ROCK2: variants seen among roughly 807,000 people sequenced by gnomAD.
ROCK2 encodes rho-associated protein kinase 2.
A neutral mutation model predicts 195.1 loss-of-function variants in ROCK2; 61 were observed. The ratio of observed to expected loss-of-function variants is 0.31; its 90% CI spans 0.25 to 0.39. ROCK2 has a LOEUF of 0.39. Among genes scored for constraint, ROCK2 ranks in the 10% least tolerant of loss-of-function variants. The pLI, the probability that ROCK2 is intolerant of heterozygous loss-of-function variation, is 1.00. For synonymous variants in ROCK2, 504 were observed against 545.5 expected (o/e 0.92, Z 1.06); for missense variants, 1,109 against 1,637.4 (o/e 0.68, Z 5.57).
chr2:11,324,414 A>T (rs995185074), intron 1 of ROCK2, among the ~76,000 whole-genome samples: 1 of 142,408 alleles, frequency 7.0e-6, no homozygotes, highest in Non-Finnish European at 1.5e-5. Flanking sequence ...ACAGAGGGAG[A>T]CTCCGTCTCA....
At chr2:11,295,347 G>C (rs1184589344) in intron 1 of ROCK2, among the ~76,000 whole-genome samples, 1 of 151,912 alleles carries the variant, frequency 6.6e-6, no homozygotes, top group Non-Finnish European at 1.5e-5. Flanking sequence ...TCTGATTGTA[G>C]GCAAGTTAGA....
chr2:11,263,857 A>G (rs181540418), intron 3 of ROCK2, among the ~76,000 whole-genome samples: 5 of 151,968 alleles, frequency 3.3e-5, no homozygotes, highest in African/African-American at 1.2e-4. Flanking sequence ...TACAGCAGAG[A>G]TAGTACATAA....
At position 11,235,427 on chromosome 2, in the gene ROCK2, T is replaced by C. The variant is rs921020310; in HGVS notation, c.723+275A>G. 1.1e-4 allele frequency among the ~76,000 whole-genome samples: 17 copies of C among 152,200 alleles called. No individual in the cohort carries two copies. The highest frequency in any genetic ancestry group is 2.0e-4 in the Admixed American group (3 of 15,282). On this transcript the variant is annotated intron_variant, in intron 5 of 32. Coordinates refer to ENST00000315872, the MANE Select transcript of ROCK2 (RefSeq NM_004850.5). This position sits in a 1 kb window ranked among gnomAD's most constrained non-coding sequence, Gnocchi z 4.2. ...AATTATACATATGAACCGGTTTTGA[T>C]TGGTAGCAAATGCTTGTCAACAGTC...
At chr2:11,321,739 G>A in intron 1 of ROCK2, among the ~76,000 whole-genome samples, 1 of 152,026 alleles carries the variant, frequency 6.6e-6, no homozygotes, top group Non-Finnish European at 1.5e-5. Context: ...TCGATCACAA[G>A]TTTTCATATA....
At chr2:11,267,735 C>A (rs1269622168) in intron 3 of ROCK2, among the ~76,000 whole-genome samples, 2 of 146,866 alleles carry the variant, frequency 1.4e-5, no homozygotes, top group Non-Finnish European at 3.0e-5. Context: ...GGAGTCTCAC[C>A]CTGTCACCCA....
intron 3 of ROCK2, among the ~76,000 whole-genome samples, chr2:11,261,167 T>A (rs1216362353): frequency 6.6e-6 from 1 of 152,218 alleles, no homozygotes; most frequent in African/African-American, 2.4e-5. Context: ...TCCTGGCTCA[T>A]AAATCAAGAG....
At chr2:11,251,701 G>A (rs372223004) in intron 3 of ROCK2, among the ~76,000 whole-genome samples, 12 of 152,208 alleles carry the variant, frequency 7.9e-5, no homozygotes, top group Admixed American at 7.2e-4. Flanking sequence ...CACAACAAAA[G>A]AAACTATCAT....
At chr2:11,232,714 A>G (rs1480559305) in intron 5 of ROCK2, among the ~76,000 whole-genome samples, 1 of 152,190 alleles carries the variant, frequency 6.6e-6, no homozygotes, top group Non-Finnish European at 1.5e-5. Flanking sequence ...AAGGAGTTCT[A>G]TTCAAACAAA....
At chr2:11,281,674 G>C (rs1667008416) in intron 3 of ROCK2, among the ~76,000 whole-genome samples, 1 of 152,034 alleles carries the variant, frequency 6.6e-6, no homozygotes, top group African/African-American at 2.4e-5. Context: ...TTCTGTATAT[G>C]AGCAATGTAT....
chr2:11,314,308 A>G (rs993236285), intron 1 of ROCK2, among the ~76,000 whole-genome samples: 1 of 125,388 alleles, frequency 8.0e-6, no homozygotes, highest in Non-Finnish European at 1.9e-5. Flanking sequence ...TTTGACTGAC[A>G]TACGTCCTTT....
chr2:11,303,570 T>A (rs1436581360), intron 1 of ROCK2, among the ~76,000 whole-genome samples: 1 of 152,200 alleles, frequency 6.6e-6, no homozygotes, highest in Non-Finnish European at 1.5e-5. Context: ...TCTACTTGAT[T>A]ACTGCCATTG....
intron 1 of ROCK2, among the ~76,000 whole-genome samples, chr2:11,303,048 C>T (rs1325705138): frequency 6.6e-6 from 1 of 152,128 alleles, no homozygotes; most frequent in East Asian, 1.9e-4. Flanking sequence ...TAGCCATGTA[C>T]CAAGGCTGAG....
At chr2:11,224,190 C>T in intron 7 of ROCK2, 132 bp downstream of exon 7, 2 of 847,864 alleles carry the variant, frequency 2.4e-6, no homozygotes, top group Non-Finnish European at 3.6e-6. Flanking sequence ...AAGGAAAAGG[C>T]TAACCCAGAA....
At chr2:11,215,756 T>TGAAA in intron 13 of ROCK2, 111 bp from the exon 14 acceptor site, 1 of 846,214 alleles carries the variant, frequency 1.2e-6, no homozygotes, top group Non-Finnish European at 1.8e-6. Flanking sequence ...AGGCTTTCAC[T>TGAAA]GCTTTTTTGT....
intron 3 of ROCK2, among the ~76,000 whole-genome samples, chr2:11,262,389 T>G (rs1018900889): frequency 2.6e-5 from 4 of 152,180 alleles, no homozygotes; most frequent in Admixed American, 1.3e-4. Flanking sequence ...AAAACTTAAA[T>G]AGATGAGACA....
Position 11,204,434 on chromosome 2 carries a change from T to G in ROCK2, c.2550-2313A>C, listed in dbSNP as rs182198806. Among the ~76,000 whole-genome samples the G allele has an allele frequency of 2.0e-3, 298 of 152,310 alleles. 2 individuals carry two copies. The highest frequency in any genetic ancestry group is 7.0e-3 in the African/African-American group (289 of 41,564). On this transcript the variant is annotated intron_variant, in intron 20 of 32. Transcript: ENST00000315872. The stretch of plus-strand genomic sequence containing the variant: ...AATATGTCTAGATATAGATCTTTTT[T>G]CATTTATATGCTGAGTCCCTTCAGT...
At chr2:11,308,669 T>C (rs1426730793) in intron 1 of ROCK2, 4 of 1,486,696 alleles carry the variant, frequency 2.7e-6, no homozygotes, top group Admixed American at 1.7e-5. Flanking sequence ...AGAAGATACA[T>C]ATGTTCATTT....
chr2:11,252,508 T>A (rs1224492978), intron 3 of ROCK2, among the ~76,000 whole-genome samples: 1 of 152,122 alleles, frequency 6.6e-6, no homozygotes, highest in Non-Finnish European at 1.5e-5. Context: ...ACACGTATGT[T>A]TATTGCAGCA....
intron 1 of ROCK2, among the ~76,000 whole-genome samples, chr2:11,340,141 C>T (rs1317998387): frequency 6.6e-6 from 1 of 152,090 alleles, no homozygotes; most frequent in Non-Finnish European, 1.5e-5. Flanking sequence ...AAAATGTTTC[C>T]GAACTCAGAA....
Sources: gnomAD v4.1 joint callset for allele counts (sites outside exome capture counted in the v4.1 genomes callset) on GRCh38, gnomAD v4.1.1 for gene constraint, Gnocchi (gnomAD v3.1) non-coding constraint, MANE v1.5 for transcripts, NCBI Gene and HGNC (gene_info 2026-07-23, HGNC 2026-07-21) for gene names.